Variants in KCNH7 observed in about 807,000 individuals in gnomAD.
KCNH7 encodes potassium voltage-gated channel subfamily H member 7.
Under a neutral mutation model 120.8 loss-of-function variants are expected in KCNH7, and 49 were observed. The ratio of observed to expected loss-of-function variants is 0.41; its 90% CI spans 0.32 to 0.51. The LOEUF (loss-of-function observed/expected upper bound fraction) is 0.51, where lower values mean the gene tolerates loss of function less well. Ranked by LOEUF, KCNH7 falls within the 20% of genes least tolerant of loss-of-function variation. The pLI is 0.38. For synonymous variants in KCNH7, 547 were observed against 516.1 expected (o/e 1.06, Z -0.81); for missense variants, 1,097 against 1,446.6 (o/e 0.76, Z 3.92).
intron 5 of KCNH7, among the ~76,000 whole-genome samples, chr2:162,506,695 G>A (rs1002127477): frequency 4.0e-5 from 6 of 151,584 alleles, no homozygotes; most frequent in Admixed American, 6.6e-5. Context: ...CTAAATTCAC[G>A]GATCATCGAT....
chr2:162,473,247 A>C (rs1369140934), intron 6 of KCNH7, among the ~76,000 whole-genome samples: 1 of 152,018 alleles, frequency 6.6e-6, no homozygotes. Context: ...ATAAAAAATA[A>C]AAAATACTAG....
chr2:162,786,640 TA>T lies in KCNH7; in HGVS notation c.307+49896del, dbSNP rs567533363. ...AGTATTTTAAAATTATGTCTTCAATTAAAAAAAATTCTAAATGTAAGCTGCT... is the reference window on the plus strand; with the variant it reads ...AGTATTTTAAAATTATGTCTTCAATTAAAAAAATTCTAAATGTAAGCTGCT... On this transcript the variant is annotated intron_variant, in intron 2 of 15. Coordinates refer to ENST00000332142, the MANE Select transcript of KCNH7 (RefSeq NM_033272.4). 1.2e-3 allele frequency among the ~76,000 whole-genome samples: 186 copies of T among 152,166 alleles called. 2 individuals are homozygous for T. Among genetic ancestry groups the T allele is most frequent in the African/African-American group, 4.3e-3 (177 of 41,504 alleles).
intron 2 of KCNH7, among the ~76,000 whole-genome samples, chr2:162,761,467 G>C (rs1162900979): frequency 2.0e-5 from 3 of 152,040 alleles, no homozygotes; most frequent in African/African-American, 7.2e-5. Flanking sequence ...TTTCTGTCTG[G>C]TGACAGCACT....
chr2:162,661,733 G>T (rs1305700205), intron 2 of KCNH7, among the ~76,000 whole-genome samples: 1 of 152,070 alleles, frequency 6.6e-6, no homozygotes, highest in Non-Finnish European at 1.5e-5. Context: ...TAAAGGTCAT[G>T]TAATATTGAG....
chr2:162,654,780 A>G (rs767411017), intron 2 of KCNH7, among the ~76,000 whole-genome samples: 1 of 152,200 alleles, frequency 6.6e-6, no homozygotes, highest in Non-Finnish European at 1.5e-5. Context: ...ATATATACAC[A>G]ATGGAATACT....
At chr2:162,579,426 C>T (rs79690838) in intron 2 of KCNH7, among the ~76,000 whole-genome samples, 3,347 of 152,136 alleles carry the variant, frequency 0.022, 128 homozygotes, top group African/African-American at 0.076. Flanking sequence ...ACTGTAATCA[C>T]TTTTCCAAGG....
intron 10 of KCNH7, among the ~76,000 whole-genome samples, chr2:162,399,102 T>C (rs1262851597): frequency 4.6e-5 from 7 of 151,752 alleles, no homozygotes; most frequent in Non-Finnish European, 1.0e-4. Flanking sequence ...GAGAAAATCA[T>C]TGAATTACAT....
intron 2 of KCNH7, among the ~76,000 whole-genome samples, chr2:162,738,330 G>A (rs567416163): frequency 1.3e-5 from 2 of 152,078 alleles, no homozygotes; most frequent in Non-Finnish European, 2.9e-5. Flanking sequence ...AGCTCATGAC[G>A]ACCTACCCTT....
intron 2 of KCNH7, among the ~76,000 whole-genome samples, chr2:162,635,908 A>C (rs1016855136): frequency 6.6e-6 from 1 of 152,048 alleles, no homozygotes; most frequent in African/African-American, 2.4e-5. Flanking sequence ...GCTGCCAGAA[A>C]AAGCTATCAA....
At chr2:162,646,674 C>CA (rs1321865332) in intron 2 of KCNH7, among the ~76,000 whole-genome samples, 1 of 152,076 alleles carries the variant, frequency 6.6e-6, no homozygotes, top group Admixed American at 6.5e-5. Context: ...AGTTTGAAGA[C>CA]AAAGGGGACC....
At chr2:162,774,618 GT>G (rs1209185227) in intron 2 of KCNH7, among the ~76,000 whole-genome samples, 2 of 152,142 alleles carry the variant, frequency 1.3e-5, no homozygotes, top group African/African-American at 2.4e-5. Context: ...CTTGTGTGTG[GT>G]AAGAAGTCAT....
intron 2 of KCNH7, among the ~76,000 whole-genome samples, chr2:162,749,719 C>T (rs1468980318): frequency 6.6e-6 from 1 of 152,070 alleles, no homozygotes; most frequent in Non-Finnish European, 1.5e-5. Flanking sequence ...GCAGGAAGTA[C>T]ATGACAGATA....
intron 14 of KCNH7, among the ~76,000 whole-genome samples, chr2:162,374,561 G>A (rs1313894562): frequency 6.6e-6 from 1 of 151,874 alleles, no homozygotes; most frequent in Non-Finnish European, 1.5e-5. Flanking sequence ...TTTTGCCTCT[G>A]AATAAAAAAT....
At chr2:162,570,769 A>G (rs1352252349) in intron 2 of KCNH7, among the ~76,000 whole-genome samples, 2 of 152,110 alleles carry the variant, frequency 1.3e-5, no homozygotes, top group Non-Finnish European at 2.9e-5. Context: ...GTAATCCAGC[A>G]TATAAACAGA....
chr2:162,390,168 A>T (rs989041782), intron 12 of KCNH7, among the ~76,000 whole-genome samples: 80 of 152,022 alleles, frequency 5.3e-4, no homozygotes, highest in African/African-American at 1.9e-3. Flanking sequence ...GTTGAGCAGA[A>T]CACTGCAAAT....
intron 2 of KCNH7, among the ~76,000 whole-genome samples, chr2:162,779,088 G>T (rs1158784532): frequency 6.0e-5 from 9 of 151,226 alleles, no homozygotes; most frequent in African/African-American, 2.2e-4. Flanking sequence ...GTTTTGTTTT[G>T]TTGGCAAAAA....
At chr2:162,785,521 G>T (rs190710593) in intron 2 of KCNH7, among the ~76,000 whole-genome samples, 1 of 150,486 alleles carries the variant, frequency 6.6e-6, no homozygotes, top group African/African-American at 2.4e-5. Flanking sequence ...AATAATTTGC[G>T]ACTATTGGGC....
At chr2:162,387,331 G>A (rs1364685932) in intron 12 of KCNH7, among the ~76,000 whole-genome samples, 1 of 150,988 alleles carries the variant, frequency 6.6e-6, no homozygotes, top group Non-Finnish European at 1.5e-5. Context: ...GCTTTGGCTG[G>A]AAAATTGGCT....
intron 2 of KCNH7, among the ~76,000 whole-genome samples, chr2:162,762,212 GT>G (rs1235290443): frequency 6.7e-6 from 1 of 149,106 alleles, no homozygotes; most frequent in African/African-American, 2.5e-5. Context: ...TTGTTTGTTT[GT>G]TTTTTTTCTA....
Sources: gnomAD v4.1 joint callset for allele counts (sites outside exome capture counted in the v4.1 genomes callset) on GRCh38, gnomAD v4.1.1 for gene constraint, MANE v1.5 for transcripts, NCBI Gene and HGNC (gene_info 2026-07-23, HGNC 2026-07-21) for gene names.